The following NT5DC1 variants were observed in gnomAD, a reference collection of about 807,000 sequenced individuals.
The protein encoded by NT5DC1 is 5'-nucleotidase domain-containing protein 1.
A neutral mutation model predicts 59.4 loss-of-function variants in NT5DC1; 42 were observed. The ratio of observed to expected loss-of-function variants is 0.71; its 90% CI spans 0.55 to 0.92. The LOEUF is 0.92. NT5DC1 is among the 40% of genes least tolerant of loss of function. NT5DC1 has a pLI of 0.00. For synonymous variants in NT5DC1, 172 were observed against 188.1 expected, an observed-to-expected ratio of 0.91 and a Z score of 0.70; for missense variants, 501 against 537.1, an observed-to-expected ratio of 0.93 and a Z score of 0.66.
chr6:116,120,500 A>C, intron 6 of NT5DC1: 2 of 1,614,228 alleles, frequency 1.2e-6, no homozygotes, highest in Non-Finnish European at 1.7e-6. Context: ...GGCACTAACA[A>C]GAGGGGTCCC....
intron 6 of NT5DC1, among the ~76,000 whole-genome samples, chr6:116,132,630 C>T (rs969425106): frequency 6.6e-6 from 1 of 152,132 alleles, no homozygotes; most frequent in African/African-American, 2.4e-5. Flanking sequence ...TGCACATCCC[C>T]TGGCCTAATG....
At chr6:116,204,374 C>T (rs530391366) in intron 6 of NT5DC1, among the ~76,000 whole-genome samples, 41 of 152,034 alleles carry the variant, frequency 2.7e-4, no homozygotes, top group Middle Eastern at 3.4e-3. Flanking sequence ...CAAAAAGATG[C>T]ACTACCTAAT....
intron 6 of NT5DC1, among the ~76,000 whole-genome samples, chr6:116,210,562 C>T (rs554561899): frequency 2.0e-5 from 3 of 151,768 alleles, no homozygotes; most frequent in South Asian, 4.2e-4. Flanking sequence ...AGTTGCAAAA[C>T]GGGAATCATA....
chr6:116,144,013 CATT>C (rs1346737300), intron 6 of NT5DC1, among the ~76,000 whole-genome samples: 2 of 152,226 alleles, frequency 1.3e-5, no homozygotes, highest in South Asian at 4.1e-4. Flanking sequence ...GGAGCTTTAT[CATT>C]ATGATTTTTC....
At chr6:116,202,025 G>T (rs955169953) in intron 6 of NT5DC1, among the ~76,000 whole-genome samples, 3 of 151,956 alleles carry the variant, frequency 2.0e-5, no homozygotes, top group African/African-American at 7.2e-5. Context: ...TCTATATCCA[G>T]GCTGTCCAGT....
At chr6:116,163,386 C>G (rs1030556155) in intron 6 of NT5DC1, among the ~76,000 whole-genome samples, 1 of 151,694 alleles carries the variant, frequency 6.6e-6, no homozygotes, top group African/African-American at 2.4e-5. Flanking sequence ...TTTGTTTCCT[C>G]TAAGTTTTCT....
At chr6:116,112,039 A>G (rs1350823251) in intron 4 of NT5DC1, among the ~76,000 whole-genome samples, 4 of 152,346 alleles carry the variant, frequency 2.6e-5, no homozygotes, top group Non-Finnish European at 4.4e-5. Flanking sequence ...ATTTTAAAGA[A>G]TAAAGTACCC....
intron 6 of NT5DC1, among the ~76,000 whole-genome samples, chr6:116,218,818 G>C (rs1258346452): frequency 6.7e-6 from 1 of 149,624 alleles, no homozygotes; most frequent in African/African-American, 2.5e-5. Flanking sequence ...GTTAGTTTTG[G>C]TCTGGTTATG....
At chr6:116,192,489 A>G (rs1408129970) in intron 6 of NT5DC1, among the ~76,000 whole-genome samples, 1 of 152,044 alleles carries the variant, frequency 6.6e-6, no homozygotes, top group Non-Finnish European at 1.5e-5. Context: ...TGAAATGGAC[A>G]TTTTATGTTG....
intron 6 of NT5DC1, among the ~76,000 whole-genome samples, chr6:116,178,974 A>G (rs922055070): frequency 1.3e-5 from 2 of 152,218 alleles, no homozygotes; most frequent in African/African-American, 4.8e-5. Context: ...GTAGAAAGAA[A>G]AGATTATTCT....
chr6:116,103,099 C>T lies in NT5DC1; in HGVS notation c.93+2076C>T, dbSNP rs572970982. On this transcript the variant is annotated intron_variant, in intron 1 of 11. Coordinates refer to ENST00000319550, the MANE Select transcript of NT5DC1 (RefSeq NM_152729.3). ...CACTTCCTGTTTACTTGTTGGACTT[C>T]CCCTAGAGCCCAGCGTGATGACTCC... 6.6e-5 allele frequency among the ~76,000 whole-genome samples: 10 copies of T among 152,312 alleles called. No homozygotes were observed. The South Asian group carries it at 2.1e-3, about 32-fold the overall frequency.
rs147994822 is a variant in NT5DC1 at position 116,226,307 on chromosome 6, C to T, written c.802+3176C>T. On this transcript the variant is annotated intron_variant, in intron 8 of 11. Transcript: ENST00000319550. ...ATATTTTGTTCCAAGAAAATCTATA[C>T]CCCTTTTATACCCATAGTAGTATTT... Among the ~76,000 whole-genome samples the T allele has an allele frequency of 7.2e-4, 110 of 151,984 alleles. No homozygotes were observed. In the East Asian group the frequency reaches 0.018, roughly 25 times the overall value.
At chr6:116,234,184 A>G (rs539296396) in intron 8 of NT5DC1, among the ~76,000 whole-genome samples, 1 of 149,892 alleles carries the variant, frequency 6.7e-6, no homozygotes, top group African/African-American at 2.5e-5. Flanking sequence ...CTGGTCTTGA[A>G]CTCCTGACCT....
At chr6:116,126,828 A>G (rs190840685) in intron 6 of NT5DC1, among the ~76,000 whole-genome samples, 1 of 152,170 alleles carries the variant, frequency 6.6e-6, no homozygotes, top group East Asian at 1.9e-4. Flanking sequence ...GGAGAAAAAA[A>G]TTTTCAAACT....
intron 4 of NT5DC1, among the ~76,000 whole-genome samples, chr6:116,113,053 A>G (rs1343256006): frequency 6.6e-6 from 1 of 152,216 alleles, no homozygotes; most frequent in Non-Finnish European, 1.5e-5. Context: ...GTTCCTTGCC[A>G]GCTGATCTCC....
At chr6:116,201,820 A>G (rs1317185996) in intron 6 of NT5DC1, among the ~76,000 whole-genome samples, 1 of 152,018 alleles carries the variant, frequency 6.6e-6, no homozygotes, top group Non-Finnish European at 1.5e-5. Context: ...GCATGGTTTC[A>G]TGATTATAAT....
chr6:116,102,346 T>TA (rs1256602309), intron 1 of NT5DC1, among the ~76,000 whole-genome samples: 4 of 152,232 alleles, frequency 2.6e-5, no homozygotes, highest in Non-Finnish European at 5.9e-5. Flanking sequence ...TTTCTGCTGT[T>TA]ACACTTTCCT....
At chr6:116,201,060 C>T (rs1781336844) in intron 6 of NT5DC1, among the ~76,000 whole-genome samples, 1 of 151,928 alleles carries the variant, frequency 6.6e-6, no homozygotes, top group African/African-American at 2.4e-5. Context: ...GAGTGAAGTA[C>T]TAACTTGCCC....
intron 6 of NT5DC1, among the ~76,000 whole-genome samples, chr6:116,165,098 G>GGA (rs560550941): frequency 5.9e-5 from 6 of 101,072 alleles, no homozygotes; most frequent in African/African-American, 2.5e-4. Flanking sequence ...CTCCGTCTCA[G>GGA]AAAAAAAAAA....
Sources: allele counts gnomAD v4.1 joint callset (sites outside exome capture counted in the v4.1 genomes callset), GRCh38; gene constraint gnomAD v4.1.1; transcripts MANE v1.5; gene names NCBI Gene and HGNC (gene_info 2026-07-23, HGNC 2026-07-21).